PCDHGC4: variants seen among roughly 807,000 people sequenced by gnomAD.
PCDHGC4 encodes protocadherin gamma subfamily C, 4.
Under a neutral mutation model 59.7 loss-of-function variants are expected in PCDHGC4, and 15 were observed. That is an observed-to-expected ratio of 0.25 (90% CI 0.17 to 0.39). The LOEUF (loss-of-function observed/expected upper bound fraction) is 0.39. Among genes scored for constraint, PCDHGC4 ranks in the 10% least tolerant of loss-of-function variants. The probability of loss-of-function intolerance (pLI) is 1.00; values close to 1 mark genes in which losing one functional copy is unlikely to be tolerated. For synonymous variants in PCDHGC4, 434 were observed against 481.4 expected, an observed-to-expected ratio of 0.90 and a Z score of 1.29; for missense variants, 1,016 against 1,189.5, an observed-to-expected ratio of 0.85 and a Z score of 2.15.
chr5:141,485,454 C>T lies in PCDHGC4; in HGVS notation c.281C>T (p.Ala94Val). The change falls in exon 1 of 4, where the codon GCA becomes GTA. Residue 94 changes from alanine to valine, a missense_variant. Transcript: ENST00000306593. This position sits in a 1 kb window ranked among gnomAD's most constrained non-coding sequence, Gnocchi z 5.7. Reference sequence around the variant, plus strand: ...ATCAAGAACCCAATCGACCGAGAGGCACTGTGTGGGCTCAGTGCCAGCTGC... The same window carrying T: ...ATCAAGAACCCAATCGACCGAGAGGTACTGTGTGGGCTCAGTGCCAGCTGC... ...LLIKNPIDREALCGLSASCIV... is the reference protein window; with the variant it reads ...LLIKNPIDREVLCGLSASCIV... The T allele has an allele frequency of 6.2e-7, 1 of 1,614,162 alleles. No homozygotes were observed. Among genetic ancestry groups the T allele is most frequent in the East Asian group, 2.2e-5 (1 of 44,868 alleles).
chr5:141,492,962 C>T (rs1197532146), intron 1 of PCDHGC4, among the ~76,000 whole-genome samples: 2 of 152,258 alleles, frequency 1.3e-5, no homozygotes, highest in Non-Finnish European at 2.9e-5. Context: ...CTATCTGACA[C>T]TCTAACAAGT....
At chr5:141,501,206 A>G (rs977574347) in intron 2 of PCDHGC4, among the ~76,000 whole-genome samples, 22 of 151,674 alleles carry the variant, frequency 1.5e-4, no homozygotes, top group African/African-American at 5.3e-4. Context: ...GGGTGTTGTC[A>G]GGGTGACTTC....
Position 141,510,938 on chromosome 5 carries a change from T to A in PCDHGC4, c.2591-9T>A. 1 of 1,614,026 alleles carries A rather than the reference T, an allele frequency of 6.2e-7. No homozygotes were observed. Among genetic ancestry groups the A allele is most frequent in the Non-Finnish European group, 8.5e-7 (1 of 1,179,984 alleles). ...TTAGCTCCCACCTGATCTTCCTCTG[T>A]CTCTGCAGAAGCTGCTGATGGGAGC... On this transcript the variant is annotated splice_polypyrimidine_tract_variant and intron_variant, in intron 3 of 3. Coordinates refer to ENST00000306593, the MANE Select transcript of PCDHGC4 (RefSeq NM_018928.3).
Position 141,485,943 on chromosome 5 carries a change from C to T in PCDHGC4, c.770C>T (p.Ala257Val), listed in dbSNP as rs750871245. Residue 257 changes from alanine to valine, a missense_variant, in exon 1 of 4, where the codon GCG becomes GTG. Ala to Val is a moderately conservative substitution (Grantham distance 64). Transcript: ENST00000306593. This position sits in a 1 kb window ranked among gnomAD's most constrained non-coding sequence, Gnocchi z 5.7. Reference protein sequence around the residue: ...YRISVLESAPAGMVLIQLNAS... With the variant: ...YRISVLESAPVGMVLIQLNAS... Reference sequence around the variant, plus strand: ...ATTAGTGTGTTGGAGAGCGCACCAGCGGGCATGGTGCTCATCCAGCTCAAT... The same window carrying T: ...ATTAGTGTGTTGGAGAGCGCACCAGTGGGCATGGTGCTCATCCAGCTCAAT... The T allele has an allele frequency of 1.9e-6, 3 of 1,614,126 alleles. No homozygotes were observed. In the South Asian group the frequency reaches 3.3e-5, roughly 18 times the overall value.
At chr5:141,503,743 G>C (rs1465272424) in intron 2 of PCDHGC4, among the ~76,000 whole-genome samples, 1 of 152,126 alleles carries the variant, frequency 6.6e-6, no homozygotes, top group Non-Finnish European at 1.5e-5. Context: ...TGATGGTATA[G>C]AGGTCACACA....
At chr5:141,492,673 C>T (rs2099743035) in intron 1 of PCDHGC4, among the ~76,000 whole-genome samples, 1 of 152,250 alleles carries the variant, frequency 6.6e-6, no homozygotes, top group Non-Finnish European at 1.5e-5. Flanking sequence ...GGGACTCCGT[C>T]TCAAGGGTCG....
chr5:141,491,837 G>A lies in PCDHGC4; in HGVS notation c.2443-2970G>A, dbSNP rs1404051857. The A allele has an allele frequency of 1.4e-6, 2 of 1,472,862 alleles. No individual in the cohort carries two copies. The highest frequency in any genetic ancestry group is 1.8e-6 in the Non-Finnish European group (2 of 1,111,878). The allele number at this position is 1,472,862 out of a possible 1,614,324, so 91.2% of individuals were successfully genotyped here. A position where few individuals can be genotyped will look rare whatever the true frequency, so the allele number is the denominator to read the frequency against. ...TGGCTGCGCTCCACCCGATTCTCGG[G>A]ATCATTGGACCGTTTGCGCGAAACC... On this transcript the variant is annotated intron_variant, in intron 1 of 3. Transcript: ENST00000306593. The surrounding 1 kb of genome is among the most constrained non-coding windows in gnomAD (Gnocchi z 6.9).
At chr5:141,503,335 G>A (rs111643076) in intron 2 of PCDHGC4, among the ~76,000 whole-genome samples, 108 of 152,220 alleles carry the variant, frequency 7.1e-4, no homozygotes, top group African/African-American at 2.4e-3. Context: ...GGTGGCTCAC[G>A]CCTGTAATTC....
In PCDHGC4 at chr5:141,485,109, C is replaced by A; in HGVS notation, c.-65C>A. ...AGATAGGTGTCTCCAGCTGCTGTGG[C>A]TGTTTGGGGCGGGTCGGCTTCATCC... On this transcript the variant is annotated 5_prime_UTR_variant, in exon 1 of 4. It adds an upstream start codon to the 5' untranslated region. Transcript: ENST00000306593. This position sits in a 1 kb window ranked among gnomAD's most constrained non-coding sequence, Gnocchi z 5.7. The A allele has an allele frequency of 1.6e-6, 2 of 1,230,962 alleles. No individual in the cohort carries two copies. The highest frequency in any genetic ancestry group is 2.4e-6 in the Non-Finnish European group (2 of 850,024). The allele number at this position is 1,230,962 out of a possible 1,614,324, so 76.3% of individuals were successfully genotyped here.
At position 141,486,714 on chromosome 5, in the gene PCDHGC4, CAG is replaced by C; in HGVS notation, c.1542_1543del (p.Gly515SerfsTer9). ...TCTTTCATCTCTCTGAACCCCCAGA[CAG>C]GAGCTGTTCATGCTACTCGATCCTT... On this transcript the variant is annotated frameshift_variant, in exon 1 of 4. Coordinates refer to ENST00000306593, the MANE Select transcript of PCDHGC4 (RefSeq NM_018928.3). LOFTEE classifies it high-confidence loss of function. This position sits in a 1 kb window ranked among gnomAD's most constrained non-coding sequence, Gnocchi z 5.0. 1 of 1,614,216 alleles carries C rather than the reference CAG, an allele frequency of 6.2e-7. No homozygotes were observed. Among genetic ancestry groups the C allele is most frequent in the Non-Finnish European group, 8.5e-7 (1 of 1,180,034 alleles).
At position 141,487,270 on chromosome 5, in the gene PCDHGC4, A is replaced by T. The variant is rs777469322; in HGVS notation, c.2097A>T (p.Ala699=). 6.2e-7 allele frequency: 1 copy of T among 1,614,046 alleles called. No homozygotes were observed. Among genetic ancestry groups the T allele is most frequent in the South Asian group, 1.1e-5 (1 of 91,076 alleles). Residue 699 remains alanine (A), a synonymous_variant, in exon 1 of 4, where the codon GCA becomes GCT. Transcript: ENST00000306593. The surrounding 1 kb of genome is among the most constrained non-coding windows in gnomAD (Gnocchi z 5.0). ...LTLYLAVSLV[A]ICFVSFGSFV... ...TCTACTTGGCTGTGTCCCTAGTGGC[A>T]ATTTGCTTTGTCTCCTTTGGCTCAT... is the stretch of plus-strand genomic sequence containing the variant.
intron 3 of PCDHGC4, among the ~76,000 whole-genome samples, chr5:141,510,329 A>G (rs1433056614): frequency 6.7e-6 from 1 of 150,230 alleles, no homozygotes; most frequent in South Asian, 2.1e-4. Context: ...AGCACTCTTC[A>G]CCCCCACCCC....
chr5:141,487,889 T>C lies in PCDHGC4; in HGVS notation c.2442+274T>C, dbSNP rs984668596. On this transcript the variant is annotated intron_variant, in intron 1 of 3. Transcript: ENST00000306593. The surrounding 1 kb of genome is among the most constrained non-coding windows in gnomAD (Gnocchi z 5.0). ...CAAGAGCCAGGCTGTTGTGGAAGCA[T>C]GATGATGGAATGTGGGAGCACAGGA... 6.7e-6 allele frequency: 5 copies of C among 747,180 alleles called. No homozygotes were observed. The highest frequency in any genetic ancestry group is 1.1e-5 in the Non-Finnish European group (5 of 464,054). The allele number at this position is 747,180 out of a possible 1,614,324, so 46.3% of individuals were successfully genotyped here. A position where few individuals can be genotyped will look rare whatever the true frequency, so the allele number is the denominator to read the frequency against.
intron 1 of PCDHGC4, chr5:141,492,036 T>A: frequency 1.9e-6 from 1 of 536,866 alleles, no homozygotes; most frequent in Non-Finnish European, 3.2e-6. Flanking sequence ...GAGGAGGCAG[T>A]CACAGATCCA....
In PCDHGC4 at chr5:141,491,770, G is replaced by A; in HGVS notation, c.2443-3037G>A. 6.4e-7 allele frequency: 1 copy of A among 1,560,888 alleles called. No individual in the cohort carries two copies. Among genetic ancestry groups the A allele is most frequent in the Non-Finnish European group, 8.7e-7 (1 of 1,154,942 alleles). On this transcript the variant is annotated intron_variant, in intron 1 of 3. Coordinates refer to ENST00000306593, the MANE Select transcript of PCDHGC4 (RefSeq NM_018928.3). This position sits in a 1 kb window ranked among gnomAD's most constrained non-coding sequence, Gnocchi z 6.9. ...TGGAGAAGCCGCCCGTCCTCATAAG[G>A]GATTGAACTTGCATCCACTCCTCTC...
At chr5:141,494,075 C>T (rs1482844644) in intron 1 of PCDHGC4, among the ~76,000 whole-genome samples, 7 of 152,322 alleles carry the variant, frequency 4.6e-5, no homozygotes, top group East Asian at 1.9e-4. Context: ...GATCCCTCCC[C>T]GCTGCATCCC....
Position 141,491,574 on chromosome 5 carries a change from T to G in PCDHGC4, c.2443-3233T>G. Reference sequence around the variant, plus strand: ...AGAGCCACTGCTACAGGACGTGCTTTTCACCGGCCTCGGACGGCAGTGACT... The same window carrying G: ...AGAGCCACTGCTACAGGACGTGCTTGTCACCGGCCTCGGACGGCAGTGACT... On this transcript the variant is annotated intron_variant, in intron 1 of 3. Transcript: ENST00000306593. This position sits in a 1 kb window ranked among gnomAD's most constrained non-coding sequence, Gnocchi z 6.9. The G allele has an allele frequency of 6.2e-7, 1 of 1,613,956 alleles. No homozygotes were observed. Among genetic ancestry groups the G allele is most frequent in the Non-Finnish European group, 8.5e-7 (1 of 1,180,032 alleles).
intron 2 of PCDHGC4, among the ~76,000 whole-genome samples, chr5:141,503,595 G>A (rs6892628): frequency 7.1e-6 from 1 of 140,086 alleles, no homozygotes. Context: ...CGAGACTCCA[G>A]CTCAAAAAAA....
rs765318875 is a variant in PCDHGC4 at position 141,489,896 on chromosome 5, C to A, written c.2442+2281C>A. On this transcript the variant is annotated intron_variant, in intron 1 of 3. Coordinates refer to ENST00000306593, the MANE Select transcript of PCDHGC4 (RefSeq NM_018928.3). This position sits in a 1 kb window ranked among gnomAD's most constrained non-coding sequence, Gnocchi z 4.5. ...GTGCTTACTGCTGTGGATGGGGGGA[C>A]CCCAGCCCGCTCAGGGACCACCCTT... 5 of 1,614,062 alleles carry A rather than the reference C, an allele frequency of 3.1e-6. No homozygotes were observed.
Sources: gnomAD v4.1 joint callset for allele counts (sites outside exome capture counted in the v4.1 genomes callset) on GRCh38, gnomAD v4.1.1 for gene constraint, Gnocchi (gnomAD v3.1) non-coding constraint, MANE v1.5 for transcripts, NCBI Gene and HGNC (gene_info 2026-07-23, HGNC 2026-07-21) for gene names.